The following ARB2A variants were observed in gnomAD, a reference collection of about 807,000 sequenced individuals.
ARB2A encodes ARB2 cotranscriptional regulator A.
chr5:93,994,739 T>C, the ARB2A span, among the ~76,000 whole-genome samples: 1 of 151,304 alleles, frequency 6.6e-6, no homozygotes, highest in Non-Finnish European at 1.5e-5. Flanking sequence ...CCTGTCTCTA[T>C]AAAAAAATAG....
the ARB2A span, among the ~76,000 whole-genome samples, chr5:93,976,315 C>T: frequency 6.6e-6 from 1 of 152,010 alleles, no homozygotes. Flanking sequence ...AATATCATAC[C>T]GTACAGGCAA....
At chr5:93,865,821 G>A in the ARB2A span, 11 of 985,224 alleles carry the variant, frequency 1.1e-5, no homozygotes, top group East Asian at 2.3e-4. Context: ...ACTACTTGCC[G>A]AATAGTAGGC....
the ARB2A span, among the ~76,000 whole-genome samples, chr5:93,718,238 G>A: frequency 2.0e-5 from 3 of 151,928 alleles, no homozygotes; most frequent in Admixed American, 6.6e-5. Flanking sequence ...TCAAGAGATC[G>A]AGACCATCCT....
At chr5:93,978,349 AC>A in the ARB2A span, among the ~76,000 whole-genome samples, 3 of 152,316 alleles carry the variant, frequency 2.0e-5, no homozygotes, top group East Asian at 5.8e-4. Flanking sequence ...AATAGCAAAG[AC>A]ATAGAGTCAA....
chr5:93,958,805 T>C, the ARB2A span: 1 of 1,569,300 alleles, frequency 6.4e-7, no homozygotes, highest in Non-Finnish European at 8.7e-7. Flanking sequence ...AAACGGTATC[T>C]GTGTGCCACT....
the ARB2A span, among the ~76,000 whole-genome samples, chr5:93,720,808 A>T: frequency 6.6e-6 from 1 of 152,264 alleles, no homozygotes; most frequent in Non-Finnish European, 1.5e-5. Flanking sequence ...GGCATTTATG[A>T]TGAGCAATCT....
At chr5:93,757,473 A>C in the ARB2A span, among the ~76,000 whole-genome samples, 2 of 152,190 alleles carry the variant, frequency 1.3e-5, no homozygotes, top group Non-Finnish European at 2.9e-5. Flanking sequence ...TAAGAGCTGT[A>C]AGACAGAAGC....
the ARB2A span, among the ~76,000 whole-genome samples, chr5:93,794,967 G>A: frequency 6.6e-6 from 1 of 152,182 alleles, no homozygotes; most frequent in Non-Finnish European, 1.5e-5. Context: ...AGGGACACCT[G>A]GTTAAGTATT....
chr5:93,941,161 G>T, the ARB2A span, among the ~76,000 whole-genome samples: 1 of 152,020 alleles, frequency 6.6e-6, no homozygotes, highest in Non-Finnish European at 1.5e-5. Context: ...CCCGTTCCTT[G>T]AAAGTGTCCA....
chr5:93,730,323 G>A, the ARB2A span, among the ~76,000 whole-genome samples: 1 of 152,012 alleles, frequency 6.6e-6, no homozygotes, highest in Admixed American at 6.6e-5. Context: ...GGCTTTTCAG[G>A]GGAGTAAAGA....
At chr5:93,692,766 A>G in the ARB2A span, among the ~76,000 whole-genome samples, 4 of 152,204 alleles carry the variant, frequency 2.6e-5, no homozygotes, top group African/African-American at 9.6e-5. Flanking sequence ...TCAGCACCAC[A>G]TCATACTTAT....
At chr5:93,969,130 A>G in the ARB2A span, among the ~76,000 whole-genome samples, 7 of 151,660 alleles carry the variant, frequency 4.6e-5, no homozygotes, top group South Asian at 1.5e-3. Context: ...ACAAAGAAAC[A>G]GGAGAGTCAG....
chr5:93,850,106 C>A, the ARB2A span, among the ~76,000 whole-genome samples: 7 of 152,120 alleles, frequency 4.6e-5, no homozygotes. Context: ...AACTTCAGAT[C>A]CCATGATCTT....
At chr5:93,981,712 C>T in the ARB2A span, among the ~76,000 whole-genome samples, 1 of 151,860 alleles carries the variant, frequency 6.6e-6, no homozygotes, top group African/African-American at 2.4e-5. Flanking sequence ...GAAAGGGTAG[C>T]TAATATGAAC....
At chr5:94,080,362 T>C in the ARB2A span, among the ~76,000 whole-genome samples, 1 of 152,164 alleles carries the variant, frequency 6.6e-6, no homozygotes, top group East Asian at 1.9e-4. Flanking sequence ...GCCTATACCA[T>C]GAAATAACAG....
At chr5:93,689,202 A>G in the ARB2A span, among the ~76,000 whole-genome samples, 1 of 151,848 alleles carries the variant, frequency 6.6e-6, no homozygotes, top group South Asian at 2.1e-4. Flanking sequence ...AACTCAAAAC[A>G]ATTTCTGTGC....
chr5:94,004,563 C>T, the ARB2A span, among the ~76,000 whole-genome samples: 2 of 146,256 alleles, frequency 1.4e-5, no homozygotes, highest in African/African-American at 5.1e-5. Flanking sequence ...GCCTGGGCGA[C>T]AAAGTGAGAC....
At chr5:93,773,465 T>C in the ARB2A span, among the ~76,000 whole-genome samples, 1 of 152,200 alleles carries the variant, frequency 6.6e-6, no homozygotes, top group African/African-American at 2.4e-5. Flanking sequence ...AATAGCATAC[T>C]ATGATCACCT....
the ARB2A span, among the ~76,000 whole-genome samples, chr5:93,746,426 G>T: frequency 0.013 from 1,924 of 152,266 alleles, 51 homozygotes; most frequent in African/African-American, 0.044. Flanking sequence ...TCTTGTATGT[G>T]GAGAAATGCT....
Sources: allele counts gnomAD v4.1 joint callset (sites outside exome capture counted in the v4.1 genomes callset), GRCh38; gene constraint gnomAD v4.1.1; transcripts MANE v1.5; gene names NCBI Gene and HGNC (gene_info 2026-07-23, HGNC 2026-07-21).